The following BCAS1 variants were observed in gnomAD, a reference collection of about 807,000 sequenced individuals.
The protein encoded by BCAS1 is brain enriched myelin associated protein 1, also known as breast carcinoma-amplified sequence 1.
In BCAS1, 46 loss-of-function variants were observed where a neutral mutation model predicts 65.4. The observed-to-expected ratio is 0.70, with a 90% CI of 0.55 to 0.90. The LOEUF (loss-of-function observed/expected upper bound fraction) is 0.90, where lower values mean the gene tolerates loss of function less well. BCAS1 is among the 40% of genes least tolerant of loss of function. The probability of loss-of-function intolerance (pLI) is 0.00; values close to 1 mark genes in which losing one functional copy is unlikely to be tolerated. For synonymous variants in BCAS1, 298 were observed against 293.5 expected (o/e 1.02, Z -0.16); for missense variants, 793 against 771.2 (o/e 1.03, Z -0.33).
intron 9 of BCAS1, among the ~76,000 whole-genome samples, chr20:53,972,599 G>A (rs2090208357): frequency 6.6e-6 from 1 of 152,144 alleles, no homozygotes; most frequent in Non-Finnish European, 1.5e-5. Context: ...CACTGAATTT[G>A]AATTTTGAAT....
intron 4 of BCAS1, among the ~76,000 whole-genome samples, chr20:54,012,336 T>C (rs1413278129): frequency 6.6e-6 from 1 of 152,168 alleles, no homozygotes; most frequent in Non-Finnish European, 1.5e-5. Flanking sequence ...ATTGTATCAT[T>C]GTCAATATCC....
intron 10 of BCAS1, among the ~76,000 whole-genome samples, chr20:53,963,017 G>C (rs1232649706): frequency 6.6e-6 from 1 of 151,494 alleles, no homozygotes; most frequent in Non-Finnish European, 1.5e-5. Context: ...TGCCCGGCTA[G>C]TTTTTTGTAT....
At chr20:54,043,500 G>C (rs1015611965) in intron 3 of BCAS1, among the ~76,000 whole-genome samples, 2 of 152,138 alleles carry the variant, frequency 1.3e-5, no homozygotes, top group African/African-American at 2.4e-5. Context: ...AAATCAGGCT[G>C]TTATTGAAAT....
rs370032238 is a variant in BCAS1 at position 54,058,690 on chromosome 20, C to T, written c.29G>A (p.Arg10Lys). MGNQMSVPQ[R>K]VEDQENEPEA... ...TGGTTCATTCTCTTGGTCTTCAACT[C>T]TTTGGGGAACACTCATTTGGTTACC... is the stretch of plus-strand genomic sequence containing the variant. The change falls in exon 2 of 13, where the codon AGA (arginine) becomes AAA (lysine). Residue 10 changes from arginine to lysine, a missense_variant. Coordinates refer to ENST00000688948, the MANE Select transcript of BCAS1 (RefSeq NM_001366298.2). 2 of 1,586,370 alleles carry T rather than the reference C, an allele frequency of 1.3e-6. No homozygotes were observed. The highest frequency in any genetic ancestry group is 2.8e-5 in the African/African-American group (2 of 71,976).
At chr20:53,972,562 G>A (rs905212613) in intron 9 of BCAS1, among the ~76,000 whole-genome samples, 1 of 152,240 alleles carries the variant, frequency 6.6e-6, no homozygotes, top group African/African-American at 2.4e-5. Context: ...TAGCATGGCT[G>A]TGTTCTAATA....
rs146763348 is a variant in BCAS1, at chr20:54,016,179, C to T, written c.723+12213G>A. 9.0e-3 allele frequency among the ~76,000 whole-genome samples: 1,365 copies of T among 152,264 alleles called. 18 individuals carry two copies. Among genetic ancestry groups the T allele is most frequent in the African/African-American group, 0.031 (1,272 of 41,534 alleles). ...TCTATTTTTATGTCACCCTCGTTTACGGTGTCTAGTGTAAGGGTGTGCCAC... is the reference window on the plus strand; with the variant it reads ...TCTATTTTTATGTCACCCTCGTTTATGGTGTCTAGTGTAAGGGTGTGCCAC... On this transcript the variant is annotated intron_variant, in intron 4 of 12. Coordinates refer to ENST00000688948, the MANE Select transcript of BCAS1 (RefSeq NM_001366298.2).
intron 7 of BCAS1, among the ~76,000 whole-genome samples, chr20:53,990,141 T>C (rs2090718958): frequency 1.3e-5 from 2 of 152,188 alleles, no homozygotes; most frequent in Non-Finnish European, 2.9e-5. Context: ...AATGAATGAA[T>C]GGTAGAGCTT....
chr20:54,014,301 T>TA (rs2091385108), intron 4 of BCAS1, among the ~76,000 whole-genome samples: 1 of 152,362 alleles, frequency 6.6e-6, no homozygotes, highest in East Asian at 1.9e-4. Flanking sequence ...GAAGTTTATA[T>TA]ATATTTTCTT....
chr20:54,018,317 C>G (rs2091482379), intron 4 of BCAS1, among the ~76,000 whole-genome samples: 1 of 152,066 alleles, frequency 6.6e-6, no homozygotes, highest in South Asian at 2.1e-4. Context: ...GTACACTGTT[C>G]TACCTGCTGG....
intron 3 of BCAS1, among the ~76,000 whole-genome samples, chr20:54,050,577 C>T (rs115597522): frequency 0.04 from 6,025 of 152,290 alleles, 381 homozygotes; most frequent in African/African-American, 0.14. Context: ...CACAGATACA[C>T]GTCAGTGATA....
chr20:54,061,096 G>A (rs974778880), intron 1 of BCAS1, among the ~76,000 whole-genome samples: 1 of 152,168 alleles, frequency 6.6e-6, no homozygotes, highest in African/African-American at 2.4e-5. Flanking sequence ...ATTGTCTCAT[G>A]TAGTCCTATA....
At chr20:54,029,681 A>G (rs1260320077) in intron 3 of BCAS1, among the ~76,000 whole-genome samples, 2 of 152,248 alleles carry the variant, frequency 1.3e-5, no homozygotes, top group Non-Finnish European at 1.5e-5. Context: ...ATAGTTTTAA[A>G]GCAAGTACAA....
At chr20:54,063,409 C>T (rs778758569) in intron 1 of BCAS1, among the ~76,000 whole-genome samples, 12 of 152,324 alleles carry the variant, frequency 7.9e-5, no homozygotes, top group South Asian at 2.1e-4. Context: ...AGGACTCTCA[C>T]GGGTATGATC....
At chr20:54,006,464 CTT>C (rs2091193196) in intron 4 of BCAS1, among the ~76,000 whole-genome samples, 1 of 152,172 alleles carries the variant, frequency 6.6e-6, no homozygotes, top group African/African-American at 2.4e-5. Context: ...AATCCTAGCA[CTT>C]TGGGAGACCG....
chr20:54,067,934 GC>G (rs1466707133), intron 1 of BCAS1, among the ~76,000 whole-genome samples: 4 of 152,240 alleles, frequency 2.6e-5, no homozygotes, highest in African/African-American at 9.6e-5. Flanking sequence ...CCAGCCCTCT[GC>G]CCCCAACATC....
chr20:54,065,648 A>G (rs2092430978), intron 1 of BCAS1, among the ~76,000 whole-genome samples: 1 of 152,224 alleles, frequency 6.6e-6, no homozygotes. Context: ...TCGTGTTTGT[A>G]GCCAGGTGTC....
Position 53,952,958 on chromosome 20 carries a change from G to A in BCAS1, c.1815+474C>T, listed in dbSNP as rs773897909. Among the ~76,000 whole-genome samples the A allele has an allele frequency of 8.5e-5, 13 of 152,096 alleles. 1 individual carries two copies. Among genetic ancestry groups the A allele is most frequent in the Non-Finnish European group, 1.6e-4 (11 of 68,020 alleles). On this transcript the variant is annotated intron_variant, in intron 12 of 12. Coordinates refer to ENST00000688948, the MANE Select transcript of BCAS1 (RefSeq NM_001366298.2). ...CTAATTTTTTTAACACGTCAAATTG[G>A]TATAATATAATGTAAATAAAATCAG...
At position 54,028,619 on chromosome 20, in the gene BCAS1, CAG is replaced by C. The variant is rs1213526169; in HGVS notation, c.494_495del (p.Ser165CysfsTer11). On this transcript the variant is annotated frameshift_variant, in exon 4 of 13. Coordinates refer to ENST00000688948, the MANE Select transcript of BCAS1 (RefSeq NM_001366298.2). LOFTEE classifies it high-confidence loss of function. The stretch of plus-strand genomic sequence containing the variant: ...GGGAGAAGCGTGGGATCCCTGGCGG[CAG>C]AGAGGACCTTGTCTTGGGCCGGGGC... ...GHAPAQDKVL[S>X]AARDPTLLPP... 14 of 1,614,190 alleles carry C rather than the reference CAG, an allele frequency of 8.7e-6. No homozygotes were observed. Among genetic ancestry groups the C allele is most frequent in the Non-Finnish European group, 1.1e-5 (13 of 1,180,038 alleles).
intron 1 of BCAS1, among the ~76,000 whole-genome samples, chr20:54,066,262 C>A (rs56199303): frequency 6.6e-6 from 1 of 152,086 alleles, no homozygotes; most frequent in Admixed American, 6.5e-5. Context: ...TTGGTAGAGA[C>A]GGGGTTTCCC....
Sources: gnomAD v4.1 joint callset for allele counts (sites outside exome capture counted in the v4.1 genomes callset) on GRCh38, gnomAD v4.1.1 for gene constraint, MANE v1.5 for transcripts, NCBI Gene and HGNC (gene_info 2026-07-23, HGNC 2026-07-21) for gene names.